UBE2E3: variants seen among roughly 807,000 people sequenced by gnomAD.
UBE2E3 encodes the protein ubiquitin-conjugating enzyme E2 E3.
Under a neutral mutation model 23.6 loss-of-function variants are expected in UBE2E3, and 5 were observed. The ratio of observed to expected loss-of-function variants is 0.21; its 90% CI spans 0.11 to 0.44. The LOEUF (loss-of-function observed/expected upper bound fraction) is 0.44. Ranked by LOEUF, UBE2E3 falls within the 20% of genes least tolerant of loss-of-function variation. The pLI is 0.99. For synonymous variants in UBE2E3, 78 were observed against 87.5 expected, an observed-to-expected ratio of 0.89 and a Z score of 0.60; for missense variants, 81 against 249.8, an observed-to-expected ratio of 0.32 and a Z score of 4.55.
intron 3 of UBE2E3, among the ~76,000 whole-genome samples, chr2:180,991,311 C>T (rs528235392): frequency 6.6e-5 from 10 of 152,130 alleles, no homozygotes; most frequent in Non-Finnish European, 1.5e-4. Flanking sequence ...GTGTTTTTTC[C>T]TATACATACA....
At chr2:181,027,699 A>G (rs1357026747) in intron 3 of UBE2E3, among the ~76,000 whole-genome samples, 1 of 151,962 alleles carries the variant, frequency 6.6e-6, no homozygotes, top group Non-Finnish European at 1.5e-5. Flanking sequence ...AGAAAAGCCC[A>G]AATTCTCTCC....
intron 3 of UBE2E3, among the ~76,000 whole-genome samples, chr2:181,050,536 T>G (rs1028191829): frequency 1.3e-5 from 2 of 151,926 alleles, no homozygotes; most frequent in African/African-American, 4.8e-5. Flanking sequence ...TAGAAGCCAT[T>G]ACAGAATCAC....
chr2:181,059,373 CAT>C lies in UBE2E3; in HGVS notation c.379-1289_379-1288del, dbSNP rs1362420370. On this transcript the variant is annotated intron_variant, in intron 4 of 5. Coordinates refer to ENST00000410062, the MANE Select transcript of UBE2E3 (RefSeq NM_006357.4). Reference sequence around the variant, plus strand: ...TAGCTGAAAATATATTTGTAAATCACATATGTATTGAGCAGTAACGTCAGTGA... The same window carrying C: ...TAGCTGAAAATATATTTGTAAATCACATGTATTGAGCAGTAACGTCAGTGA... Among the ~76,000 whole-genome samples the C allele has an allele frequency of 3.3e-5, 5 of 151,682 alleles. No individual in the cohort carries two copies. The South Asian group carries it at 6.2e-4, about 19-fold the overall frequency.
At chr2:180,981,935 T>A in intron 1 of UBE2E3, 83 bp from the exon 2 acceptor site, 1 of 1,047,484 alleles carries the variant, frequency 9.5e-7, no homozygotes, top group Non-Finnish European at 1.4e-6. Flanking sequence ...ACAAGACGAT[T>A]TTAGATGACT....
chr2:181,062,034 G>GA (rs1196275775), intron 5 of UBE2E3, among the ~76,000 whole-genome samples: 1 of 151,488 alleles, frequency 6.6e-6, no homozygotes, highest in Admixed American at 6.6e-5. Flanking sequence ...AAAGGCACTG[G>GA]AAAAAAATAC....
In UBE2E3 at chr2:181,063,104, G is replaced by C. The variant is rs1363905085; in HGVS notation, c.*216G>C. 3.2e-6 allele frequency: 1 copy of C among 314,056 alleles called. No homozygotes were observed. Among genetic ancestry groups the C allele is most frequent in the East Asian group, 5.2e-5 (1 of 19,246 alleles). The allele number at this position is 314,056 out of a possible 1,614,324, so 19.5% of individuals were successfully genotyped here. ...TTAGTTATGTTTAAAACGCCTACTT[G>C]CAAGTCTTGCTTCTTTGGGATATCA... On this transcript the variant is annotated 3_prime_UTR_variant, in exon 6 of 6. Coordinates refer to ENST00000410062, the MANE Select transcript of UBE2E3 (RefSeq NM_006357.4). This position sits in a 1 kb window ranked among gnomAD's most constrained non-coding sequence, Gnocchi z 4.1.
intron 4 of UBE2E3, 92 bp from the exon 5 acceptor site, chr2:181,060,573 A>G: frequency 8.4e-7 from 1 of 1,184,534 alleles, no homozygotes; most frequent in Non-Finnish European, 1.1e-6. Flanking sequence ...ATTTAGTATC[A>G]TCTATGATAT....
intron 3 of UBE2E3, among the ~76,000 whole-genome samples, chr2:181,000,624 A>G (rs960145146): frequency 4.7e-5 from 7 of 148,172 alleles, no homozygotes; most frequent in African/African-American, 1.8e-4. Context: ...GCTTGATCTC[A>G]GCTCACTGCA....
intron 3 of UBE2E3, among the ~76,000 whole-genome samples, chr2:181,056,360 G>A (rs936638662): frequency 1.3e-5 from 2 of 151,710 alleles, no homozygotes; most frequent in African/African-American, 4.8e-5. Context: ...CTGAGACTGA[G>A]TAGGTTATAA....
intron 3 of UBE2E3, among the ~76,000 whole-genome samples, chr2:181,050,024 A>G (rs979868962): frequency 1.3e-5 from 2 of 151,976 alleles, no homozygotes; most frequent in African/African-American, 4.8e-5. Context: ...CATCACAGTA[A>G]TTTACAAAAA....
At chr2:181,027,124 T>C (rs995715931) in intron 3 of UBE2E3, among the ~76,000 whole-genome samples, 2 of 151,946 alleles carry the variant, frequency 1.3e-5, no homozygotes, top group Non-Finnish European at 2.9e-5. Flanking sequence ...TTAGATTGTC[T>C]GTACCTGTGT....
At chr2:180,980,485 A>G (rs1013424220), upstream of UBE2E3, 2 of 149,192 alleles carry the variant, frequency 1.3e-5, no homozygotes, top group Non-Finnish European at 3.0e-5. The surrounding 1 kb of genome is among the most constrained non-coding windows in gnomAD (Gnocchi z 5.5). Context: ...GAGAGCGCGC[A>G]CGGGAGCGCG....
intron 3 of UBE2E3, among the ~76,000 whole-genome samples, chr2:181,030,738 A>G (rs991194982): frequency 4.0e-4 from 56 of 141,588 alleles, no homozygotes; most frequent in Non-Finnish European, 8.1e-4. Context: ...ATTAACTACA[A>G]GTCCCATCTC....
chr2:181,045,851 T>C (rs939898782), intron 3 of UBE2E3, among the ~76,000 whole-genome samples: 3 of 152,040 alleles, frequency 2.0e-5, no homozygotes, highest in Non-Finnish European at 4.4e-5. Context: ...GATGGGAATA[T>C]ACACATACCC....
intron 3 of UBE2E3, among the ~76,000 whole-genome samples, chr2:181,023,577 A>C (rs999876191): frequency 1.3e-5 from 2 of 152,158 alleles, no homozygotes; most frequent in African/African-American, 4.8e-5. Flanking sequence ...TTTCTTTAAC[A>C]CAGCCGCCTG....
intron 3 of UBE2E3, among the ~76,000 whole-genome samples, chr2:180,989,339 G>T (rs1684583148): frequency 6.6e-6 from 1 of 152,040 alleles, no homozygotes; most frequent in Non-Finnish European, 1.5e-5. Context: ...TTCACATGGT[G>T]CTTTGCATGT....
intron 3 of UBE2E3, among the ~76,000 whole-genome samples, chr2:181,040,568 A>T (rs1381523221): frequency 6.6e-6 from 1 of 152,188 alleles, no homozygotes; most frequent in East Asian, 1.9e-4. Flanking sequence ...AAGAACTATA[A>T]CATCTAAACA....
intron 3 of UBE2E3, among the ~76,000 whole-genome samples, chr2:180,999,302 CA>C (rs1291782909): frequency 2.2e-4 from 33 of 151,926 alleles, no homozygotes; most frequent in Admixed American, 2.0e-3. Flanking sequence ...ACCACAATAC[CA>C]AAAAAAGCAT....
intron 3 of UBE2E3, among the ~76,000 whole-genome samples, chr2:181,048,987 T>C (rs1363194970): frequency 6.6e-6 from 1 of 152,034 alleles, no homozygotes; most frequent in Admixed American, 6.6e-5. Flanking sequence ...GATTACCTTT[T>C]CTCCCTCTCT....
Sources: allele counts gnomAD v4.1 joint callset (sites outside exome capture counted in the v4.1 genomes callset), GRCh38; gene constraint gnomAD v4.1.1; non-coding constraint Gnocchi (gnomAD v3.1); transcripts MANE v1.5; gene names NCBI Gene and HGNC (gene_info 2026-07-23, HGNC 2026-07-21).